Variants in MFSD11 observed in about 807,000 individuals in gnomAD.
MFSD11 encodes major facilitator superfamily domain containing 11.
MFSD11 carries 36 observed loss-of-function variants against 53.5 expected under a neutral mutation model. The ratio of observed to expected loss-of-function variants is 0.67; its 90% CI spans 0.52 to 0.89. The LOEUF (loss-of-function observed/expected upper bound fraction) is 0.89. MFSD11 is among the 40% of genes least tolerant of loss of function. The pLI, the probability that MFSD11 is intolerant of heterozygous loss-of-function variation, is 0.00. For missense variants in MFSD11, 530 were observed against 543.9 expected (o/e 0.97, Z 0.25); for synonymous variants, 186 against 184.9 (o/e 1.01, Z -0.05).
intron 2 of MFSD11, 57 bp downstream of exon 2, chr17:76,739,050 A>G (rs960104525): frequency 3.1e-6 from 4 of 1,291,190 alleles, no homozygotes; most frequent in South Asian, 1.2e-5. Flanking sequence ...CTTAAATCTC[A>G]TCAGAATCAC....
At chr17:76,750,762 TA>T (rs1255879229) in intron 7 of MFSD11, among the ~76,000 whole-genome samples, 1 of 151,970 alleles carries the variant, frequency 6.6e-6, no homozygotes, top group African/African-American at 2.4e-5. Flanking sequence ...AAATGCCATT[TA>T]GAGATATAGG....
At chr17:76,793,414 C>A in the MFSD11 span, among the ~76,000 whole-genome samples, 1 of 151,438 alleles carries the variant, frequency 6.6e-6, no homozygotes, top group Non-Finnish European at 1.5e-5. Context: ...GGCTCTGTTC[C>A]GCCCGGCTCA....
downstream of MFSD11, among the ~76,000 whole-genome samples, chr17:76,786,219 A>G (rs1242474225): frequency 7.5e-6 from 1 of 134,124 alleles, no homozygotes; most frequent in Non-Finnish European, 1.6e-5. Context: ...ATCTCGGCTC[A>G]CTGCAACCTC....
rs1427294693 is a variant in MFSD11 at position 76,738,184 on chromosome 17, T to G, written c.-169T>G. 3.3e-6 allele frequency: 2 copies of G among 611,730 alleles called. No homozygotes were observed. Among genetic ancestry groups the G allele is most frequent in the African/African-American group, 3.7e-5 (2 of 53,988 alleles). The allele number at this position is 611,730 out of a possible 1,614,324, so 37.9% of individuals were successfully genotyped here. On this transcript the variant is annotated 5_prime_UTR_variant, in exon 1 of 13. Transcript: ENST00000685175. ...ACTGCCGGTGGGGAGAACTTCGCCC[T>G]AAACCTGGGGTTCCGATCCAGGAAC...
At chr17:76,767,356 TTAAG>T in intron 8 of MFSD11, 26 bp from the exon 9 acceptor site, 1 of 1,367,456 alleles carries the variant, frequency 7.3e-7, no homozygotes, top group Non-Finnish European at 1.0e-6. Context: ...TAAAATCTAA[TTAAG>T]TACTCTTAAA....
chr17:76,800,730 A>G, the MFSD11 span, among the ~76,000 whole-genome samples: 2 of 152,096 alleles, frequency 1.3e-5, no homozygotes, highest in Non-Finnish European at 2.9e-5. Flanking sequence ...ATGTGTTTCT[A>G]TGTTTCAGTG....
chr17:76,777,918 T>G (rs1485708757), intron 12 of MFSD11, among the ~76,000 whole-genome samples: 2 of 152,130 alleles, frequency 1.3e-5, no homozygotes, highest in Non-Finnish European at 1.5e-5. Flanking sequence ...GGCTCAAGCA[T>G]TTCTCCCACC....
chr17:76,794,691 T>G, the MFSD11 span, among the ~76,000 whole-genome samples: 2,748 of 8,116 alleles, frequency 0.34, 309 homozygotes, highest in African/African-American at 0.4. Context: ...TTTTTTTTTT[T>G]TTTTTTTTTT....
intron 7 of MFSD11, among the ~76,000 whole-genome samples, chr17:76,751,070 G>A (rs2079014243): frequency 6.6e-6 from 1 of 151,574 alleles, no homozygotes; most frequent in African/African-American, 2.4e-5. Context: ...CAGAGTGCTG[G>A]GATTACAGGA....
the MFSD11 span, among the ~76,000 whole-genome samples, chr17:76,796,419 A>G: frequency 5.3e-5 from 8 of 152,278 alleles, no homozygotes; most frequent in Non-Finnish European, 7.3e-5. Context: ...TACAGTCTAC[A>G]TCGTACAGTC....
upstream of MFSD11, chr17:76,737,408 T>A: frequency 4.5e-6 from 2 of 447,608 alleles, no homozygotes. Context: ...AAATGAAACC[T>A]TCTGATTGGC....
intron 7 of MFSD11, among the ~76,000 whole-genome samples, chr17:76,746,215 C>T (rs1024124719): frequency 6.6e-6 from 1 of 152,192 alleles, no homozygotes; most frequent in Non-Finnish European, 1.5e-5. Flanking sequence ...TTCTCTGAAG[C>T]CTAATCCAGA....
At chr17:76,769,982 T>C in intron 10 of MFSD11, 111 bp downstream of exon 10, 1 of 1,006,430 alleles carries the variant, frequency 9.9e-7, no homozygotes, top group East Asian at 2.5e-5. Flanking sequence ...TTTCTACTTA[T>C]TTTTACCCAA....
chr17:76,779,129 T>A lies in MFSD11; in HGVS notation c.*777T>A, dbSNP rs2082074299. On this transcript the variant is annotated 3_prime_UTR_variant, in exon 13 of 13. Transcript: ENST00000685175. ...TGTGTTGGGTTTGGTGGTGCATGCC[T>A]GTAATCCTAGCTACTAGGGAGGCTG... 1 of 151,774 alleles carries A rather than the reference T, an allele frequency of 6.6e-6. No individual in the cohort carries two copies. The highest frequency in any genetic ancestry group is 1.5e-5 in the Non-Finnish European group (1 of 67,994). The allele number at this position is 151,774 out of a possible 1,614,324, so 9.4% of individuals were successfully genotyped here. A position where few individuals can be genotyped will look rare whatever the true frequency, so the allele number is the denominator to read the frequency against.
chr17:76,744,529 AT>A, intron 7 of MFSD11, 63 bp downstream of exon 7: 2 of 1,462,866 alleles, frequency 1.4e-6, no homozygotes, highest in South Asian at 2.6e-5. Context: ...TAGTCTAGAG[AT>A]TACCAACCCG....
At chr17:76,749,889 CAAA>C (rs1187568956) in intron 7 of MFSD11, among the ~76,000 whole-genome samples, 4 of 63,844 alleles carry the variant, frequency 6.3e-5, no homozygotes, top group South Asian at 6.0e-4. Context: ...GACTCCTTCT[CAAA>C]AAAAAAAAAA....
At chr17:76,773,635 A>G (rs2081559834) in intron 10 of MFSD11, among the ~76,000 whole-genome samples, 1 of 151,672 alleles carries the variant, frequency 6.6e-6, no homozygotes, top group South Asian at 2.1e-4. Flanking sequence ...TTCCAGACGG[A>G]GTCTCGCTCA....
the MFSD11 span, among the ~76,000 whole-genome samples, chr17:76,789,123 CAG>C: frequency 7.3e-5 from 11 of 150,092 alleles, no homozygotes; most frequent in Non-Finnish European, 1.3e-4. Context: ...GCCTGGGTGA[CAG>C]AGTGAGACTT....
chr17:76,783,505 G>A (rs1211060762), downstream of MFSD11, among the ~76,000 whole-genome samples: 1 of 152,112 alleles, frequency 6.6e-6, no homozygotes, highest in Non-Finnish European at 1.5e-5. Context: ...TTTCCTCTAG[G>A]AGTTTTTGTT....
Sources: allele counts gnomAD v4.1 joint callset (sites outside exome capture counted in the v4.1 genomes callset), GRCh38; gene constraint gnomAD v4.1.1; transcripts MANE v1.5; gene names NCBI Gene and HGNC (gene_info 2026-07-23, HGNC 2026-07-21).